Variants in MAGI2 observed in about 807,000 individuals in gnomAD.
MAGI2 encodes membrane-associated guanylate kinase, WW and PDZ domain-containing protein 2.
A neutral mutation model predicts 133.3 loss-of-function variants in MAGI2; 35 were observed. The ratio of observed to expected loss-of-function variants is 0.26; its 90% CI spans 0.20 to 0.35. The LOEUF (loss-of-function observed/expected upper bound fraction) is 0.35. Ranked by LOEUF, MAGI2 falls within the 10% of genes least tolerant of loss-of-function variation. The pLI is 1.00. For synonymous variants in MAGI2, 729 were observed against 710.6 expected (o/e 1.03, Z -0.41); for missense variants, 1,636 against 1,863.4 (o/e 0.88, Z 2.25).
At chr7:78,290,018 C>T (rs1387390632) in intron 9 of MAGI2, among the ~76,000 whole-genome samples, 1 of 152,160 alleles carries the variant, frequency 6.6e-6, no homozygotes, top group Admixed American at 6.5e-5. Context: ...TTGTAAAGAC[C>T]ATTGACACTA....
At chr7:79,005,080 C>T (rs1807303109) in intron 2 of MAGI2, among the ~76,000 whole-genome samples, 2 of 145,274 alleles carry the variant, frequency 1.4e-5, no homozygotes. Context: ...AAAACTCCAT[C>T]TCAAGAAAAA....
At chr7:79,410,411 C>T (rs1002851030) in intron 1 of MAGI2, 37 of 152,092 alleles carry the variant, frequency 2.4e-4, no homozygotes, top group Admixed American at 7.2e-4. Flanking sequence ...GTGTGTTTCA[C>T]ATTATGTGTA....
chr7:78,826,298 A>G (rs986215239), intron 2 of MAGI2, among the ~76,000 whole-genome samples: 11 of 151,044 alleles, frequency 7.3e-5, no homozygotes, highest in East Asian at 2.0e-4. Flanking sequence ...AGCTTGCAGT[A>G]AGCCGAGATC....
chr7:79,143,044 A>C (rs1389947439), intron 1 of MAGI2, among the ~76,000 whole-genome samples: 1 of 152,204 alleles, frequency 6.6e-6, no homozygotes, highest in African/African-American at 2.4e-5. Context: ...TGTTCTGATA[A>C]ATGAACAAAG....
intron 18 of MAGI2, among the ~76,000 whole-genome samples, chr7:78,132,319 C>CT (rs1821644792): frequency 6.6e-6 from 1 of 152,262 alleles, no homozygotes; most frequent in African/African-American, 2.4e-5. Context: ...TGCCAGCCTC[C>CT]TGTCTGCGCT....
At chr7:79,347,815 AG>A (rs1841431892) in intron 1 of MAGI2, among the ~76,000 whole-genome samples, 1 of 151,998 alleles carries the variant, frequency 6.6e-6, no homozygotes, top group Non-Finnish European at 1.5e-5. Context: ...TTTCATGTAT[AG>A]CTTTGTGTGT....
At chr7:79,060,272 T>C (rs928228478) in intron 1 of MAGI2, among the ~76,000 whole-genome samples, 2 of 152,170 alleles carry the variant, frequency 1.3e-5, no homozygotes, top group Middle Eastern at 6.8e-3. Context: ...CAATGATACA[T>C]GGCTACATGT....
At chr7:78,123,668 A>G (rs1820689608) in intron 20 of MAGI2, among the ~76,000 whole-genome samples, 1 of 152,222 alleles carries the variant, frequency 6.6e-6, no homozygotes, top group Non-Finnish European at 1.5e-5. Context: ...CACGATACTC[A>G]CAACGCTGCA....
At chr7:78,753,831 A>G (rs1168390170) in intron 2 of MAGI2, among the ~76,000 whole-genome samples, 1 of 152,208 alleles carries the variant, frequency 6.6e-6, no homozygotes, top group African/African-American at 2.4e-5. Flanking sequence ...GAAGTATGGT[A>G]CAAATGATGG....
intron 1 of MAGI2, among the ~76,000 whole-genome samples, chr7:79,433,287 C>T (rs1847902183): frequency 6.6e-6 from 1 of 152,094 alleles, no homozygotes; most frequent in South Asian, 2.1e-4. Flanking sequence ...CGCGGTGGCT[C>T]AGGCCTGTAA....
At chr7:79,255,169 C>T (rs1300160813) in intron 1 of MAGI2, among the ~76,000 whole-genome samples, 1 of 152,154 alleles carries the variant, frequency 6.6e-6, no homozygotes, top group Non-Finnish European at 1.5e-5. Context: ...ACACCCATAT[C>T]CCATGAAAAA....
intron 2 of MAGI2, among the ~76,000 whole-genome samples, chr7:78,789,624 C>A (rs1450494317): frequency 2.0e-5 from 3 of 152,110 alleles, no homozygotes; most frequent in South Asian, 4.1e-4. Flanking sequence ...ATAAAGCATA[C>A]AATGTGTAAT....
chr7:79,443,083 C>T (rs1354266066), intron 1 of MAGI2, among the ~76,000 whole-genome samples: 2 of 151,980 alleles, frequency 1.3e-5, no homozygotes, highest in Non-Finnish European at 2.9e-5. Flanking sequence ...ACCAGCCTGG[C>T]CAACATGGTA....
intron 2 of MAGI2, among the ~76,000 whole-genome samples, chr7:78,905,437 C>G (rs1797923729): frequency 6.6e-6 from 1 of 152,154 alleles, no homozygotes; most frequent in Non-Finnish European, 1.5e-5. Context: ...GGCACGTAGC[C>G]TTCTATACCT....
intron 2 of MAGI2, among the ~76,000 whole-genome samples, chr7:78,925,540 C>T (rs773535457): frequency 3.3e-5 from 5 of 151,950 alleles, no homozygotes; most frequent in Non-Finnish European, 7.4e-5. Flanking sequence ...CCTGTATGGT[C>T]AAAACCATAT....
At chr7:78,886,561 T>C (rs926718289) in intron 2 of MAGI2, among the ~76,000 whole-genome samples, 2 of 152,212 alleles carry the variant, frequency 1.3e-5, no homozygotes, top group African/African-American at 4.8e-5. Flanking sequence ...TGTTTCCTTC[T>C]TTCTTTACCT....
At chr7:79,181,042 GT>G (rs1826572989) in intron 1 of MAGI2, among the ~76,000 whole-genome samples, 1 of 151,930 alleles carries the variant, frequency 6.6e-6, no homozygotes, top group African/African-American at 2.4e-5. Flanking sequence ...GCAGGGTACA[GT>G]CTCCCTCCAA....
intron 1 of MAGI2, among the ~76,000 whole-genome samples, chr7:79,054,716 TC>T (rs1237923551): frequency 3.3e-5 from 5 of 152,192 alleles, no homozygotes; most frequent in African/African-American, 1.2e-4. Flanking sequence ...CAAACTTTAC[TC>T]CCTATGGTTT....
intron 1 of MAGI2, among the ~76,000 whole-genome samples, chr7:79,178,041 C>A (rs1400945829): frequency 6.6e-6 from 1 of 151,990 alleles, no homozygotes; most frequent in African/African-American, 2.4e-5. Flanking sequence ...AGGCTTCCAT[C>A]TATCATATCT....
Sources: allele counts gnomAD v4.1 joint callset (sites outside exome capture counted in the v4.1 genomes callset), GRCh38; gene constraint gnomAD v4.1.1; transcripts MANE v1.5; gene names NCBI Gene and HGNC (gene_info 2026-07-23, HGNC 2026-07-21).